DISP1: variants seen among roughly 807,000 people sequenced by gnomAD.
The protein encoded by DISP1 is protein dispatched homolog 1.
DISP1 carries 30 observed loss-of-function variants against 37.3 expected under a neutral mutation model. That is an observed-to-expected ratio of 0.80 (90% CI 0.60 to 1.09). The LOEUF (loss-of-function observed/expected upper bound fraction) is 1.09. Ranked by LOEUF, DISP1 falls within the 50% of genes least tolerant of loss-of-function variation. DISP1 has a pLI of 0.00. For missense variants in DISP1, 1,598 were observed against 1,879.5 expected, an observed-to-expected ratio of 0.85 and a Z score of 2.77; for synonymous variants, 634 against 690.2, an observed-to-expected ratio of 0.92 and a Z score of 1.28.
intron 1 of DISP1, among the ~76,000 whole-genome samples, chr1:222,873,187 C>T (rs1669692009): frequency 1.3e-5 from 2 of 152,136 alleles, no homozygotes; most frequent in African/African-American, 2.4e-5. Context: ...GAGTGCTTTA[C>T]TTCCAATTAT....
intron 8 of DISP1, 24 bp downstream of exon 8, chr1:222,995,006 C>T (rs781038599): frequency 6.5e-7 from 1 of 1,546,104 alleles, no homozygotes; most frequent in Non-Finnish European, 8.9e-7. Flanking sequence ...AAACTAAAAT[C>T]TCCTTAGCAC....
chr1:222,842,974 A>G (rs1667696203), intron 1 of DISP1, among the ~76,000 whole-genome samples: 1 of 152,066 alleles, frequency 6.6e-6, no homozygotes, highest in Non-Finnish European at 1.5e-5. Context: ...TTCGTAGTTA[A>G]TAAATGGATT....
At chr1:222,963,881 TTAAAG>T (rs1354136563) in intron 3 of DISP1, among the ~76,000 whole-genome samples, 1 of 152,072 alleles carries the variant, frequency 6.6e-6, no homozygotes, top group African/African-American at 2.4e-5. Flanking sequence ...ATCCCGGAAC[TTAAAG>T]TAAATTTTAA....
At chr1:222,839,281 C>T (rs1667445606) in intron 1 of DISP1, among the ~76,000 whole-genome samples, 1 of 152,156 alleles carries the variant, frequency 6.6e-6, no homozygotes, top group African/African-American at 2.4e-5. Context: ...ATCTAGGTTG[C>T]ATGCTTCTTA....
At chr1:222,903,637 T>TAA (rs1671738737) in intron 1 of DISP1, among the ~76,000 whole-genome samples, 1 of 152,316 alleles carries the variant, frequency 6.6e-6, no homozygotes, top group East Asian at 1.9e-4. Flanking sequence ...GCAGACTGTC[T>TAA]TTAAAGAGCT....
chr1:222,937,012 T>TATATATTATATATTACATATTATATA, intron 2 of DISP1, among the ~76,000 whole-genome samples: 1 of 116,108 alleles, frequency 8.6e-6, no homozygotes, highest in African/African-American at 3.3e-5. Context: ...TATAGAATAT[T>TATATATTATATATTACATATTATATA]ATATATTATA....
In DISP1 at chr1:222,898,588, GT is replaced by G. The variant is rs567529947; in HGVS notation, c.-158-29841del. ...ATTTCAACTTTTATTATAGATTAAA[GT>G]GTACACATTCAGGTTTGTTACTTGG... is the stretch of plus-strand genomic sequence containing the variant. On this transcript the variant is annotated intron_variant, in intron 1 of 8. Transcript: ENST00000675850. Among the ~76,000 whole-genome samples, 440 of 149,396 alleles carry G rather than the reference GT, an allele frequency of 2.9e-3. 3 individuals are homozygous for G. The highest frequency in any genetic ancestry group is 0.011 in the African/African-American group (427 of 40,478).
intron 2 of DISP1, among the ~76,000 whole-genome samples, chr1:222,936,907 ATATAT>A (rs1200676854): frequency 9.1e-5 from 8 of 87,620 alleles, no homozygotes; most frequent in East Asian, 5.2e-4. Flanking sequence ...TTTATATATA[ATATAT>A]TATATATTAT....
chr1:222,860,614 C>T (rs1379608012), intron 1 of DISP1, among the ~76,000 whole-genome samples: 4 of 151,972 alleles, frequency 2.6e-5, no homozygotes, highest in Non-Finnish European at 5.9e-5. Flanking sequence ...GGGCCGGGTG[C>T]GGTCGCTCAC....
At chr1:222,967,905 T>G (rs1042813206) in intron 3 of DISP1, among the ~76,000 whole-genome samples, 6 of 152,198 alleles carry the variant, frequency 3.9e-5, no homozygotes, top group African/African-American at 1.2e-4. Context: ...TTATATTTGG[T>G]TTGGGGCCCA....
intron 1 of DISP1, among the ~76,000 whole-genome samples, chr1:222,824,529 A>T (rs937829101): frequency 6.6e-6 from 1 of 152,040 alleles, no homozygotes; most frequent in East Asian, 1.9e-4. Flanking sequence ...CAGCATGTTG[A>T]TTCTACATTT....
intron 1 of DISP1, among the ~76,000 whole-genome samples, chr1:222,829,642 A>C (rs1372158306): frequency 1.3e-5 from 2 of 152,000 alleles, no homozygotes; most frequent in African/African-American, 2.4e-5. Flanking sequence ...GGGTCTCACC[A>C]TGTTGGCCAG....
chr1:222,938,668 G>A (rs1381558609), intron 2 of DISP1, among the ~76,000 whole-genome samples: 2 of 146,268 alleles, frequency 1.4e-5, no homozygotes, highest in African/African-American at 2.5e-5. Flanking sequence ...GGGAGGTCTA[G>A]GCTGCAGGAA....
chr1:222,936,835 A>ATATATCACATATATGATATATAATT (rs1673856606), intron 2 of DISP1, among the ~76,000 whole-genome samples: 9 of 38,948 alleles, frequency 2.3e-4, no homozygotes, highest in African/African-American at 9.2e-4. Context: ...TATATAAATT[A>ATATATCACATATATGATATATAATT]TATATATCAT....
At chr1:222,896,604 GAA>G (rs143783223) in intron 1 of DISP1, among the ~76,000 whole-genome samples, 35 of 132,068 alleles carry the variant, frequency 2.7e-4, no homozygotes, top group South Asian at 1.9e-3. Context: ...CTATCTCAGA[GAA>G]AAAAAAAAAA....
intron 1 of DISP1, among the ~76,000 whole-genome samples, chr1:222,924,348 C>T (rs1488854773): frequency 6.6e-6 from 1 of 152,054 alleles, no homozygotes; most frequent in East Asian, 1.9e-4. Context: ...GAATTCAGAG[C>T]CAGCAGGGAC....
chr1:222,936,057 T>A (rs1350058846), intron 2 of DISP1, among the ~76,000 whole-genome samples: 3 of 152,202 alleles, frequency 2.0e-5, no homozygotes, highest in Non-Finnish European at 4.4e-5. Flanking sequence ...ACCTTTTTTA[T>A]GTTTAGATGT....
intron 1 of DISP1, among the ~76,000 whole-genome samples, chr1:222,882,882 A>G (rs1670357000): frequency 6.6e-6 from 1 of 152,178 alleles, no homozygotes; most frequent in African/African-American, 2.4e-5. Flanking sequence ...ATTAAAAAGT[A>G]TTAGAGAAGC....
intron 1 of DISP1, among the ~76,000 whole-genome samples, chr1:222,831,419 G>A (rs1558281818): frequency 6.6e-6 from 1 of 152,178 alleles, no homozygotes; most frequent in Non-Finnish European, 1.5e-5. Context: ...TGCCCATGAT[G>A]TATAAGGAAC....
Sources: gnomAD v4.1 joint callset for allele counts (sites outside exome capture counted in the v4.1 genomes callset) on GRCh38, gnomAD v4.1.1 for gene constraint, MANE v1.5 for transcripts, NCBI Gene and HGNC (gene_info 2026-07-23, HGNC 2026-07-21) for gene names.